The following ECM2 variants were observed in gnomAD, a reference collection of about 807,000 sequenced individuals.
ECM2 encodes the protein extracellular matrix protein 2, female organ and adipocyte specific.
A neutral mutation model predicts 67.5 loss-of-function variants in ECM2; 57 were observed. That is an observed-to-expected ratio of 0.84 (90% CI 0.68 to 1.05). The LOEUF is 1.05. Ranked by LOEUF, ECM2 falls within the 50% of genes least tolerant of loss-of-function variation. ECM2 has a pLI of 0.00. For missense variants in ECM2, 741 were observed against 822.8 expected, an observed-to-expected ratio of 0.90 and a Z score of 1.22; for synonymous variants, 258 against 294.5, an observed-to-expected ratio of 0.88 and a Z score of 1.27.
At chr9:92,550,029 T>C in the ECM2 span, among the ~76,000 whole-genome samples, 1 of 152,148 alleles carries the variant, frequency 6.6e-6, no homozygotes, top group African/African-American at 2.4e-5. Context: ...GTACTCAGCA[T>C]GATAACAGAG....
At chr9:92,532,015 G>GTTTTTTTTTTTGTT (rs1848801440) in intron 1 of ECM2, among the ~76,000 whole-genome samples, 4 of 95,736 alleles carry the variant, frequency 4.2e-5, no homozygotes, top group African/African-American at 2.4e-4. Flanking sequence ...TTTATTTAAT[G>GTTTTTTTTTTTGTT]TTTTTTTTTT....
chr9:92,499,698 C>T (rs184033840), intron 9 of ECM2, among the ~76,000 whole-genome samples: 3 of 152,356 alleles, frequency 2.0e-5, no homozygotes, highest in Admixed American at 6.5e-5. Context: ...ACCCCCATCT[C>T]TTCCTCCAGT....
chr9:92,546,502 A>G, the ECM2 span, among the ~76,000 whole-genome samples: 2 of 151,958 alleles, frequency 1.3e-5, no homozygotes, highest in Admixed American at 1.3e-4. Context: ...AGAAAAGAAC[A>G]ACTCCAGACG....
chr9:92,505,300 G>A (rs1262617683), intron 7 of ECM2, among the ~76,000 whole-genome samples: 1 of 152,080 alleles, frequency 6.6e-6, no homozygotes, highest in Non-Finnish European at 1.5e-5. Context: ...TCCCCCAAGA[G>A]CTATCAGAAG....
Position 92,496,485 on chromosome 9 carries a change from TA to T in ECM2, c.1932-3del, listed in dbSNP as rs781707571. The T allele has an allele frequency of 6.2e-7, 1 of 1,606,770 alleles. No individual in the cohort carries two copies. The highest frequency in any genetic ancestry group is 8.5e-7 in the Non-Finnish European group (1 of 1,178,386). On this transcript the variant is annotated splice_region_variant and splice_polypyrimidine_tract_variant and intron_variant, in intron 9 of 9. Coordinates refer to ENST00000344604, the MANE Select transcript of ECM2 (RefSeq NM_001393.4). ...CAAATTTCTTCTGGAAGAATGTTCCTAAGGAAAAATAGACATGCAAGTCACA... is the reference window on the plus strand; with the variant it reads ...CAAATTTCTTCTGGAAGAATGTTCCTAGGAAAAATAGACATGCAAGTCACA...
At position 92,509,995 on chromosome 9, in the gene ECM2, TA is replaced by T; in HGVS notation, c.1209del (p.Asn403LysfsTer3). ...AATTGTGAAGGAATCTGTATCAAAT[TA>T]TTTCCATCCATATTCAAACGCATTA... ...KKLMRLNMDG[N>X]NLIQIPSQLP... On this transcript the variant is annotated frameshift_variant, in exon 6 of 10. Transcript: ENST00000344604. LOFTEE classifies it high-confidence loss of function. The T allele has an allele frequency of 6.2e-7, 1 of 1,606,962 alleles. No homozygotes were observed. Among genetic ancestry groups the T allele is most frequent in the Non-Finnish European group, 8.5e-7 (1 of 1,178,340 alleles).
At chr9:92,541,196 T>C (rs1488112576), upstream of ECM2, among the ~76,000 whole-genome samples, 3 of 152,058 alleles carry the variant, frequency 2.0e-5, no homozygotes, top group Admixed American at 6.5e-5. Flanking sequence ...GAGGCGGAGA[T>C]TGCAGTGAGC....
At chr9:92,505,424 A>C in intron 7 of ECM2, 109 bp downstream of exon 7, 1 of 995,270 alleles carries the variant, frequency 1.0e-6, no homozygotes, top group Non-Finnish European at 1.5e-6. Flanking sequence ...TGTATACAGC[A>C]TGAAACTAGA....
chr9:92,555,642 A>C, the ECM2 span, among the ~76,000 whole-genome samples: 1 of 152,108 alleles, frequency 6.6e-6, no homozygotes, highest in Non-Finnish European at 1.5e-5. Context: ...CCAGGAACTT[A>C]TTCATCTCTT....
At chr9:92,552,192 C>CTATCATAT in the ECM2 span, among the ~76,000 whole-genome samples, 3 of 127,620 alleles carry the variant, frequency 2.4e-5, no homozygotes, top group African/African-American at 6.1e-5. Context: ...CTATCATATA[C>CTATCATAT]ACACACACAC....
At chr9:92,510,550 C>T (rs1311044821) in intron 5 of ECM2, among the ~76,000 whole-genome samples, 2 of 152,240 alleles carry the variant, frequency 1.3e-5, no homozygotes, top group African/African-American at 2.4e-5. Context: ...ACAGATATCA[C>T]AAGCCATTCC....
chr9:92,522,836 GA>G lies in ECM2; in HGVS notation c.30del (p.Leu11CysfsTer28), dbSNP rs752987091. On this transcript the variant is annotated frameshift_variant, in exon 2 of 10. Coordinates refer to ENST00000344604, the MANE Select transcript of ECM2 (RefSeq NM_001393.4). LOFTEE classifies it high-confidence loss of function. The part of the protein sequence containing the change: MKIAVLFCF[F>X]LLIIFQTDFG... ...AAGTCAGTTTGAAAAATGATAAGCA[GA>G]AAAAAACAAAACAAAACTGCAATCT... 5 of 1,605,530 alleles carry G rather than the reference GA, an allele frequency of 3.1e-6. No homozygotes were observed. The South Asian group carries it at 4.5e-5, about 14-fold the overall frequency.
upstream of ECM2, among the ~76,000 whole-genome samples, chr9:92,537,899 A>G (rs781556626): frequency 7.2e-5 from 11 of 152,224 alleles, no homozygotes; most frequent in African/African-American, 2.4e-4. Flanking sequence ...CCAATGCTCA[A>G]TCAAGCTTGA....
At chr9:92,550,952 A>G in the ECM2 span, among the ~76,000 whole-genome samples, 8 of 152,204 alleles carry the variant, frequency 5.3e-5, no homozygotes, top group African/African-American at 1.2e-4. Flanking sequence ...ATGAGCAGCT[A>G]CCCTCTGGCC....
At chr9:92,502,802 GTCT>G in intron 7 of ECM2, 150 bp from the exon 8 acceptor site, 6 of 384,788 alleles carry the variant, frequency 1.6e-5, no homozygotes, top group Admixed American at 5.6e-5. Context: ...TTTTTAAGTT[GTCT>G]TTTTTTTTTT....
chr9:92,499,148 G>A (rs1162064479), intron 9 of ECM2, among the ~76,000 whole-genome samples: 2 of 152,184 alleles, frequency 1.3e-5, no homozygotes, highest in South Asian at 2.1e-4. Context: ...TTTGAATGGC[G>A]ACCATTGTCC....
At position 92,512,019 on chromosome 9, in the gene ECM2, C is replaced by T. The variant is rs1563977072; in HGVS notation, c.1162G>A (p.Ala388Thr). 6.2e-7 allele frequency: 1 copy of T among 1,610,536 alleles called. No homozygotes were observed. The highest frequency in any genetic ancestry group is 1.7e-5 in the Admixed American group (1 of 59,798). The change falls in exon 5 of 10, where the codon GCA becomes ACA. Residue 388 changes from alanine to threonine, a missense_variant. Transcript: ENST00000344604. Reference protein sequence around the residue: ...NITSSGIGPKAFKLLKKLMRL... With the variant: ...NITSSGIGPKTFKLLKKLMRL... ...TCAGAGCATGTATTTACCTTGAATG[C>T]TTTTGGACCTATGCCTGAAGAAGTG... is the stretch of plus-strand genomic sequence containing the variant.
the ECM2 span, among the ~76,000 whole-genome samples, chr9:92,556,730 G>A: frequency 1.3e-5 from 2 of 152,164 alleles, no homozygotes; most frequent in Non-Finnish European, 2.9e-5. Context: ...GAGTCCTTAT[G>A]TGTTAAGTGA....
At position 92,514,863 on chromosome 9, in the gene ECM2, AT is replaced by A; in HGVS notation, c.821del (p.Asp274ValfsTer20). ...QQRQGREEEE[D>X]EEEEGEEGEE... Reference sequence around the variant, plus strand: ...CACCCTCCTCACCCTCCTCCTCCTCATCCTCCTCCTCCTCCCTTCCTTGGCG... The same window carrying A: ...CACCCTCCTCACCCTCCTCCTCCTCACCTCCTCCTCCTCCCTTCCTTGGCG... On this transcript the variant is annotated frameshift_variant, in exon 4 of 10. Transcript: ENST00000344604. LOFTEE classifies it high-confidence loss of function. 1.9e-6 allele frequency: 3 copies of A among 1,608,214 alleles called. No individual in the cohort carries two copies. In the South Asian group the frequency reaches 3.3e-5, roughly 18 times the overall value.
Sources: allele counts gnomAD v4.1 joint callset (sites outside exome capture counted in the v4.1 genomes callset), GRCh38; gene constraint gnomAD v4.1.1; transcripts MANE v1.5; gene names NCBI Gene and HGNC (gene_info 2026-07-23, HGNC 2026-07-21).